The following EPB41L2 variants were observed in gnomAD, a reference collection of about 807,000 sequenced individuals.
EPB41L2 encodes erythrocyte membrane protein band 4.1 like 2.
In EPB41L2, 43 loss-of-function variants were observed where a neutral mutation model predicts 113.0. The ratio of observed to expected loss-of-function variants is 0.38; its 90% CI spans 0.30 to 0.49. The LOEUF is 0.49. Among genes scored for constraint, EPB41L2 ranks in the 20% least tolerant of loss-of-function variants. The pLI is 0.95. For synonymous variants in EPB41L2, 442 were observed against 436.7 expected (o/e 1.01, Z -0.15); for missense variants, 1,147 against 1,223.4 (o/e 0.94, Z 0.93).
At chr6:131,060,826 C>T (rs957138207) in intron 1 of EPB41L2, among the ~76,000 whole-genome samples, 1 of 152,068 alleles carries the variant, frequency 6.6e-6, no homozygotes, top group African/African-American at 2.4e-5. Flanking sequence ...AGATTCATCC[C>T]CTAAATTAAA....
chr6:130,955,805 G>T (rs2297853), intron 2 of EPB41L2, among the ~76,000 whole-genome samples, 189 bp downstream of exon 2: 75,589 of 151,966 alleles, frequency 0.5, 21,428 homozygotes, highest in East Asian at 0.94. Context: ...GTATATATAG[G>T]GGACTTTTTT....
chr6:131,010,978 G>C (rs550658507), intron 1 of EPB41L2, among the ~76,000 whole-genome samples: 10 of 152,152 alleles, frequency 6.6e-5, no homozygotes, highest in Non-Finnish European at 1.0e-4. Flanking sequence ...TTACTCAAGA[G>C]CCTCCTCAGC....
intron 11 of EPB41L2, among the ~76,000 whole-genome samples, chr6:130,889,095 A>T (rs1791961314): frequency 6.6e-6 from 1 of 152,102 alleles, no homozygotes; most frequent in East Asian, 1.9e-4. Flanking sequence ...ATATTTCAGA[A>T]AAATACAATA....
intron 1 of EPB41L2, among the ~76,000 whole-genome samples, chr6:130,958,964 C>A (rs1326657539): frequency 6.6e-6 from 1 of 152,148 alleles, no homozygotes; most frequent in Non-Finnish European, 1.5e-5. Context: ...AGAAAGACAT[C>A]CAGGAGATTG....
chr6:130,872,535 G>A (rs1476453336), intron 14 of EPB41L2: 3 of 1,288,762 alleles, frequency 2.3e-6, no homozygotes, highest in Non-Finnish European at 2.0e-6. Flanking sequence ...TCCTCTTCTA[G>A]GCTCTAGAGA....
At chr6:131,058,003 G>C (rs114209368) in intron 1 of EPB41L2, among the ~76,000 whole-genome samples, 4,319 of 152,230 alleles carry the variant, frequency 0.028, 191 homozygotes, top group African/African-American at 0.097. Context: ...TAAGATACAG[G>C]TCAGATCTCA....
intron 18 of EPB41L2, among the ~76,000 whole-genome samples, chr6:130,862,301 AGG>A (rs994890995): frequency 4.7e-4 from 70 of 147,972 alleles, no homozygotes; most frequent in African/African-American, 1.5e-3. Flanking sequence ...CAATGGGGAG[AGG>A]GGGGTGGAAG....
intron 6 of EPB41L2, among the ~76,000 whole-genome samples, chr6:130,901,618 G>A (rs952958577): frequency 6.6e-6 from 1 of 151,816 alleles, no homozygotes; most frequent in Admixed American, 6.6e-5. Context: ...TTCTTTTCCA[G>A]AAACACCTTT....
At chr6:130,849,050 C>T (rs143345786) in intron 19 of EPB41L2, among the ~76,000 whole-genome samples, 6 of 152,144 alleles carry the variant, frequency 3.9e-5, no homozygotes, top group Middle Eastern at 3.2e-3. Context: ...CACCCCAACA[C>T]GGTCAGAGGC....
chr6:130,895,676 T>C (rs775613472), intron 8 of EPB41L2, among the ~76,000 whole-genome samples: 5 of 152,222 alleles, frequency 3.3e-5, no homozygotes, highest in Non-Finnish European at 1.5e-5. Context: ...CTGAATTCTT[T>C]CAAGCAGTTT....
At chr6:130,870,162 T>C in intron 14 of EPB41L2, 36 bp from the exon 15 acceptor site, 1 of 1,567,964 alleles carries the variant, frequency 6.4e-7, no homozygotes, top group Non-Finnish European at 8.6e-7. Context: ...AAAACAAAAA[T>C]ATATGAATAA....
chr6:131,031,654 T>C (rs1792178702), intron 1 of EPB41L2, among the ~76,000 whole-genome samples: 2 of 152,152 alleles, frequency 1.3e-5, no homozygotes, highest in Admixed American at 6.5e-5. Context: ...TTCAGTAGAA[T>C]TGTAAACATT....
chr6:130,986,247 T>C (rs2128685939), intron 1 of EPB41L2, among the ~76,000 whole-genome samples: 1 of 152,236 alleles, frequency 6.6e-6, no homozygotes, highest in Non-Finnish European at 1.5e-5. Flanking sequence ...GAAAAAGCAT[T>C]TGACAAAAGC....
At chr6:131,036,909 C>A (rs916393781) in intron 1 of EPB41L2, among the ~76,000 whole-genome samples, 2 of 152,200 alleles carry the variant, frequency 1.3e-5, no homozygotes, top group African/African-American at 4.8e-5. Context: ...ACAAGGCCAT[C>A]TTTTCCACTG....
intron 1 of EPB41L2, among the ~76,000 whole-genome samples, chr6:131,029,977 C>T (rs1319610096): frequency 3.3e-5 from 5 of 151,554 alleles, no homozygotes; most frequent in Admixed American, 3.3e-4. Flanking sequence ...CAGTTTCAAT[C>T]ACAGTTTCAC....
At chr6:130,949,167 T>TGACCAC (rs1157631787) in intron 3 of EPB41L2, among the ~76,000 whole-genome samples, 2 of 152,226 alleles carry the variant, frequency 1.3e-5, no homozygotes, top group Admixed American at 6.5e-5. Context: ...GACCACATTC[T>TGACCAC]GACCACGCTG....
intron 15 of EPB41L2, 25 bp from the exon 16 acceptor site, chr6:130,867,606 A>AT: frequency 6.2e-7 from 1 of 1,613,292 alleles, no homozygotes; most frequent in Non-Finnish European, 8.5e-7. Flanking sequence ...GAAGGGAAAA[A>AT]TAAATTCTAG....
intron 1 of EPB41L2, among the ~76,000 whole-genome samples, chr6:131,002,491 CG>C (rs745490633): frequency 1.3e-5 from 2 of 152,034 alleles, no homozygotes; most frequent in Non-Finnish European, 2.9e-5. Flanking sequence ...GAATAAATGC[CG>C]TAAGTCTGTG....
intron 3 of EPB41L2, among the ~76,000 whole-genome samples, chr6:130,939,695 TG>T (rs1393902562): frequency 6.6e-6 from 1 of 152,084 alleles, no homozygotes; most frequent in Non-Finnish European, 1.5e-5. Context: ...TGAAAACTAA[TG>T]AAAAGCATCT....
Sources: allele counts gnomAD v4.1 joint callset (sites outside exome capture counted in the v4.1 genomes callset), GRCh38; gene constraint gnomAD v4.1.1; transcripts MANE v1.5; gene names NCBI Gene and HGNC (gene_info 2026-07-23, HGNC 2026-07-21).